GBP5: variants seen among roughly 807,000 people sequenced by gnomAD.
GBP5 encodes the protein guanylate binding protein 5, also known as guanylate-binding protein 5.
A neutral mutation model predicts 58.2 loss-of-function variants in GBP5; 48 were observed. That is an observed-to-expected ratio of 0.83 (90% CI 0.65 to 1.05). The LOEUF (loss-of-function observed/expected upper bound fraction) is 1.05, where lower values mean the gene tolerates loss of function less well. GBP5 is among the 50% of genes least tolerant of loss of function. The probability of loss-of-function intolerance (pLI) is 0.00; values close to 1 mark genes in which losing one functional copy is unlikely to be tolerated. For synonymous variants in GBP5, 248 were observed against 251.8 expected (o/e 0.98, Z 0.14); for missense variants, 714 against 686.8 (o/e 1.04, Z -0.44).
chr1:89,270,416 G>A (rs930104623), intron 2 of GBP5: 2 of 152,166 alleles, frequency 1.3e-5, no homozygotes, highest in African/African-American at 4.8e-5. Flanking sequence ...TCCGCTTGAC[G>A]AGTTCTTTCA....
chr1:89,263,236 T>G (rs1570411063), intron 9 of GBP5: 1 of 162,722 alleles, frequency 6.1e-6, no homozygotes, highest in Admixed American at 5.9e-5. Context: ...TCATGTGGGG[T>G]GAGCCTGCCT....
chr1:89,272,113 T>G (rs796501198), intron 1 of GBP5: 21 of 152,376 alleles, frequency 1.4e-4, no homozygotes, highest in African/African-American at 5.0e-4. Context: ...ACTTTCATGC[T>G]GAAGTTCGAG....
rs1287600590 is a variant in GBP5 at position 89,260,594 on chromosome 1, AATAATT to A, written c.*104_*109del. 1 of 698,842 alleles carries A rather than the reference AATAATT, an allele frequency of 1.4e-6. No individual in the cohort carries two copies. Among genetic ancestry groups the A allele is most frequent in the East Asian group, 2.6e-5 (1 of 37,858 alleles). The allele number at this position is 698,842 out of a possible 1,614,324, so 43.3% of individuals were successfully genotyped here. A position where few individuals can be genotyped will look rare whatever the true frequency, so the allele number is the denominator to read the frequency against. ...ATAACTCTATATGAAAGTTTGAAAA[AATAATT>A]ATAAAGTTTATTTAAATGTTGATTG... On this transcript the variant is annotated 3_prime_UTR_variant, in exon 12 of 12. Transcript: ENST00000370459.
chr1:89,267,129 C>G lies in GBP5; in HGVS notation c.453G>C (p.Leu151=), dbSNP rs755030962. Residue 151 remains leucine (L), a synonymous_variant, in exon 6 of 12, where the codon CTG becomes CTC. Coordinates refer to ENST00000370459, the MANE Select transcript of GBP5 (RefSeq NM_052942.5). ...LLHNVTELTD[L]LKARNSPDLD... ...GGTCGGGTGAGTTTCTTGCCTTGAG[C>G]AGATCTGTCAGTTCTGTCACATTGC... 8.7e-6 allele frequency: 14 copies of G among 1,602,106 alleles called. No homozygotes were observed. Among genetic ancestry groups the G allele is most frequent in the Non-Finnish European group, 1.2e-5 (14 of 1,176,460 alleles).
chr1:89,271,976 T>A (rs1421691680), intron 1 of GBP5: 2 of 152,182 alleles, frequency 1.3e-5, no homozygotes, highest in African/African-American at 2.4e-5. Flanking sequence ...TAAAAATACA[T>A]CACTGTTTTC....
rs777704631 is a variant in GBP5, at chr1:89,262,789, G to A, written c.1363-4C>T. 1.0e-5 allele frequency: 16 copies of A among 1,536,304 alleles called. No homozygotes were observed. Among genetic ancestry groups the A allele is most frequent in the Admixed American group, 4.3e-5 (2 of 46,188 alleles). Reference sequence around the variant, plus strand: ...ATTTCTGCAGAACTTCTTCAGCCTAGCAACCCGGAAAACATGCAGTTAGAT... The same window carrying A: ...ATTTCTGCAGAACTTCTTCAGCCTAACAACCCGGAAAACATGCAGTTAGAT... On this transcript the variant is annotated splice_region_variant and splice_polypyrimidine_tract_variant and intron_variant, in intron 9 of 11. Coordinates refer to ENST00000370459, the MANE Select transcript of GBP5 (RefSeq NM_052942.5).
At position 89,269,536 on chromosome 1, in the gene GBP5, A is replaced by T. The variant is rs1000575270; in HGVS notation, c.20T>A (p.Met7Lys). The T allele has an allele frequency of 1.2e-6, 2 of 1,613,576 alleles. No individual in the cohort carries two copies. Among genetic ancestry groups the T allele is most frequent in the Non-Finnish European group, 1.7e-6 (2 of 1,179,614 alleles). The change falls in exon 3 of 12, where the codon ATG becomes AAG. Residue 7 changes from methionine (M) to lysine (K), a missense_variant. Transcript: ENST00000370459. MALEIHMSDPMCLIENF... is the reference protein window; with the variant it reads MALEIHKSDPMCLIENF... Reference sequence around the variant, plus strand: ...CTCGATGAGGCACATGGGGTCTGACATGTGGATCTCTAAAGCCATGTCTAG... The same window carrying T: ...CTCGATGAGGCACATGGGGTCTGACTTGTGGATCTCTAAAGCCATGTCTAG...
At chr1:89,266,649 C>T in intron 6 of GBP5, 61 bp from the exon 7 acceptor site, 1 of 1,419,068 alleles carries the variant, frequency 7.0e-7, no homozygotes, top group Non-Finnish European at 9.7e-7. Flanking sequence ...CATTTATTTA[C>T]CTTGAATAAA....
intron 7 of GBP5, among the ~76,000 whole-genome samples, chr1:89,265,688 A>G (rs1462258305): frequency 7.1e-6 from 1 of 140,232 alleles, no homozygotes; most frequent in Non-Finnish European, 1.5e-5. Context: ...AGATCGTGCC[A>G]CTGCACTCCA....
chr1:89,263,859 A>AGGG lies in GBP5; in HGVS notation c.1238_1239insCCC (p.Phe413_Gly414insPro), dbSNP rs1220873958. On this transcript the variant is annotated inframe_insertion, in exon 9 of 12. Transcript: ENST00000370459. ...GCTTCACTGCTTCTTCTAGAGGACC[A>AGGG]AAAATATCCTTAAGTAAAGCCGAGC... The AGGG allele has an allele frequency of 1.2e-6, 2 of 1,612,036 alleles. No individual in the cohort carries two copies. Among genetic ancestry groups the AGGG allele is most frequent in the Non-Finnish European group, 1.7e-6 (2 of 1,178,598 alleles).
rs940252305 is a variant in GBP5 at position 89,262,598 on chromosome 1, T to A, written c.1465+85A>T. On this transcript the variant is annotated intron_variant, in intron 10 of 11. Coordinates refer to ENST00000370459, the MANE Select transcript of GBP5 (RefSeq NM_052942.5). Reference sequence around the variant, plus strand: ...AGCATCTTTGCCATTCTTGCTCTAGTTTAACATCCCATGAGGGCCAGGCCA... The same window carrying A: ...AGCATCTTTGCCATTCTTGCTCTAGATTAACATCCCATGAGGGCCAGGCCA... The A allele has an allele frequency of 4.0e-6, 4 of 1,010,280 alleles. No individual in the cohort carries two copies. The African/African-American group carries it at 6.5e-5, about 16-fold the overall frequency. 62.6% of individuals were successfully genotyped at this position (1,010,280 alleles called of 1,614,324 possible).
In GBP5 at chr1:89,262,217, T is replaced by C; in HGVS notation, c.1647+3A>G. 6.2e-7 allele frequency: 1 copy of C among 1,613,428 alleles called. No individual in the cohort carries two copies. The highest frequency in any genetic ancestry group is 8.5e-7 in the Non-Finnish European group (1 of 1,179,334). ...GGGGAGAGATGAAACAATTGATGAA[T>C]ACCTGCATCTGTTGTTCCTGCATTT... On this transcript the variant is annotated splice_donor_region_variant and intron_variant, in intron 11 of 11. Coordinates refer to ENST00000370459, the MANE Select transcript of GBP5 (RefSeq NM_052942.5).
At position 89,269,170 on chromosome 1, in the gene GBP5, G is replaced by GA. The variant is rs796527195; in HGVS notation, c.190+195dup. Reference sequence around the variant, plus strand: ...TTTTACAAGAAGAAATCAAGGCAAAGAAAAAAAAAAGAGGTGATATGTCAG... The same window carrying GA: ...TTTTACAAGAAGAAATCAAGGCAAAGAAAAAAAAAAAGAGGTGATATGTCAG... On this transcript the variant is annotated intron_variant, in intron 3 of 11. Transcript: ENST00000370459. 1.8e-3 allele frequency among the ~76,000 whole-genome samples: 268 copies of GA among 146,390 alleles called. 2 individuals carry two copies. Among genetic ancestry groups the GA allele is most frequent in the Middle Eastern group, 7.0e-3 (2 of 286 alleles).
chr1:89,258,018 C>A lies in GBP5; in HGVS notation c.*2686G>T, dbSNP rs1326441908. 6.6e-6 allele frequency among the ~76,000 whole-genome samples: 1 copy of A among 152,176 alleles called. No individual in the cohort carries two copies. The highest frequency in any genetic ancestry group is 2.4e-5 in the African/African-American group (1 of 41,448). Reference sequence around the variant, plus strand: ...AAAGTCAGAAAATATAAGCTACTTACTGGTAGTTTCAAGAAATCATCAATG... The same window carrying A: ...AAAGTCAGAAAATATAAGCTACTTAATGGTAGTTTCAAGAAATCATCAATG... On this transcript the variant is annotated 3_prime_UTR_variant, in exon 12 of 12. Coordinates refer to ENST00000370459, the MANE Select transcript of GBP5 (RefSeq NM_052942.5).
intron 1 of GBP5, chr1:89,272,184 T>C (rs1277993319): frequency 6.6e-6 from 1 of 152,214 alleles, no homozygotes; most frequent in Non-Finnish European, 1.5e-5. Context: ...TGATCCTGAA[T>C]AAGTCATAAA....
At position 89,268,730 on chromosome 1, in the gene GBP5, T is replaced by G. The variant is rs747563786; in HGVS notation, c.317A>C (p.Lys106Thr). Residue 106 changes from lysine (K) to threonine (T), a missense_variant and splice_region_variant, in exon 4 of 12, where the codon AAG (lysine) becomes ACG (threonine). Physicochemically the swap from Lys to Thr is moderately conservative, Grantham distance 78. Transcript: ENST00000370459. ...LDTEGLGDVE[K>T]ADNKNDIQIF... ...TTAAAAAAAGGAATCCTTCCTTACC[T>G]TCTCTACATCTCCCAGGCCCTCGGT... 4.3e-6 allele frequency: 7 copies of G among 1,613,850 alleles called. No individual in the cohort carries two copies. Among genetic ancestry groups the G allele is most frequent in the Non-Finnish European group, 5.9e-6 (7 of 1,179,916 alleles).
chr1:89,263,614 T>G, intron 9 of GBP5, 122 bp downstream of exon 9: 1 of 642,094 alleles, frequency 1.6e-6, no homozygotes, highest in South Asian at 2.0e-5. Context: ...AGAAAAGGAT[T>G]ACTACTAGAC....
chr1:89,266,778 G>T (rs1235979871), intron 6 of GBP5, among the ~76,000 whole-genome samples, 179 bp downstream of exon 6: 1 of 151,868 alleles, frequency 6.6e-6, no homozygotes, highest in Non-Finnish European at 1.5e-5. Context: ...TGAGGAAAAT[G>T]CAATTTAATA....
chr1:89,267,179 C>T, intron 5 of GBP5, 26 bp from the exon 6 acceptor site: 3 of 1,550,426 alleles, frequency 1.9e-6, no homozygotes, highest in Non-Finnish European at 2.6e-6. Flanking sequence ...AGAAAACTGG[C>T]AGAAATAGGA....
Sources: allele counts gnomAD v4.1 joint callset (sites outside exome capture counted in the v4.1 genomes callset), GRCh38; gene constraint gnomAD v4.1.1; transcripts MANE v1.5; gene names NCBI Gene and HGNC (gene_info 2026-07-23, HGNC 2026-07-21).